Variants in NASP observed in about 807,000 individuals in gnomAD.
NASP encodes the protein nuclear autoantigenic sperm protein.
Under a neutral mutation model 89.5 loss-of-function variants are expected in NASP, and 24 were observed. That is an observed-to-expected ratio of 0.27 (90% CI 0.19 to 0.38). NASP has a LOEUF of 0.38. NASP is among the 10% of genes least tolerant of loss of function. The probability of loss-of-function intolerance (pLI) is 1.00; values close to 1 mark genes in which losing one functional copy is unlikely to be tolerated. For synonymous variants in NASP, 306 were observed against 324.7 expected (o/e 0.94, Z 0.62); for missense variants, 848 against 921.4 (o/e 0.92, Z 1.03).
intron 1 of NASP, among the ~76,000 whole-genome samples, chr1:45,589,452 C>T (rs1643459771): frequency 6.6e-6 from 1 of 152,128 alleles, no homozygotes; most frequent in Non-Finnish European, 1.5e-5. Flanking sequence ...ACGGCCTTCT[C>T]CAAACAAATT....
chr1:45,608,349 A>G lies in NASP; in HGVS notation c.1426+12A>G, dbSNP rs1397821042. 2 of 1,592,562 alleles carry G rather than the reference A, an allele frequency of 1.3e-6. No individual in the cohort carries two copies. Among genetic ancestry groups the G allele is most frequent in the Non-Finnish European group, 1.7e-6 (2 of 1,168,962 alleles). On this transcript the variant is annotated intron_variant, in intron 6 of 14. Transcript: ENST00000350030. ...GAAAGAGGGTGAAGGTAACCGGGAT[A>G]TGCAAGAGCTGCAGTGGGTGGAGTA...
Position 45,586,069 on chromosome 1 carries a change from T to C in NASP, c.59+1864T>C, listed in dbSNP as rs541247856. Among the ~76,000 whole-genome samples the C allele has an allele frequency of 9.2e-5, 14 of 152,100 alleles. No individual in the cohort carries two copies. The East Asian group carries it at 2.5e-3, about 27-fold the overall frequency. ...GCAGGTTATACATAGAGAAAGTTTA[T>C]GTATATGTGGCTAGAAGAAAGCAAA... On this transcript the variant is annotated intron_variant, in intron 1 of 14. Transcript: ENST00000350030.
Position 45,608,331 on chromosome 1 carries a change from G to A in NASP, c.1420G>A (p.Gly474Ser), listed in dbSNP as rs933284329. The stretch of plus-strand genomic sequence containing the variant: ...AGAGAGAGAAGAACAGATGAAAGAG[G>A]GTGAAGGTAACCGGGATATGCAAGA... ...TQEREEQMKE[G>S]EETEGSEEDD... The change falls in exon 6 of 15, where the codon GGT becomes AGT. Residue 474 changes from glycine (G) to serine (S), a missense_variant. Gly to Ser is a moderately conservative substitution (Grantham distance 56, BLOSUM62 0). Coordinates refer to ENST00000350030, the MANE Select transcript of NASP (RefSeq NM_002482.4). 6.2e-6 allele frequency: 10 copies of A among 1,604,612 alleles called. No individual in the cohort carries two copies. In the African/African-American group the frequency reaches 1.2e-4, roughly 19 times the overall value.
intron 14 of NASP, 68 bp downstream of exon 14, chr1:45,617,659 C>T: frequency 1.3e-6 from 2 of 1,493,894 alleles, no homozygotes; most frequent in Non-Finnish European, 1.8e-6. Flanking sequence ...GAAATCAGTC[C>T]TCTCAAGTGC....
At position 45,598,852 on chromosome 1, in the gene NASP, T is replaced by C. The variant is rs886852277; in HGVS notation, c.108-3403T>C. ...CAGTTTTCCATCTGTAAAGTGGGGG[T>C]AATAATTCAATAACTTTATGAGGTG... On this transcript the variant is annotated intron_variant, in intron 2 of 14. Coordinates refer to ENST00000350030, the MANE Select transcript of NASP (RefSeq NM_002482.4). Among the ~76,000 whole-genome samples, 3 of 152,050 alleles carry C rather than the reference T, an allele frequency of 2.0e-5. No homozygotes were observed. In the East Asian group the frequency reaches 5.8e-4, roughly 29 times the overall value.
intron 5 of NASP, 47 bp from the exon 6 acceptor site, chr1:45,607,274 A>G (rs1299747705): frequency 6.3e-7 from 1 of 1,579,434 alleles, no homozygotes; most frequent in Non-Finnish European, 8.6e-7. Flanking sequence ...TGCCTTTATC[A>G]TTAAACTCGA....
intron 2 of NASP, among the ~76,000 whole-genome samples, chr1:45,594,173 A>G (rs1643627646): frequency 6.6e-6 from 1 of 151,880 alleles, no homozygotes; most frequent in Non-Finnish European, 1.5e-5. Flanking sequence ...TAAAAAAGAT[A>G]CAAAAATTAG....
chr1:45,586,296 T>TGTGTGTGTGTGTGTGTGTGTGTG (rs1644547146), intron 1 of NASP, among the ~76,000 whole-genome samples: 1 of 93,610 alleles, frequency 1.1e-5, no homozygotes, highest in Admixed American at 1.0e-4. Flanking sequence ...TGTGTGTGTG[T>TGTGTGTGTGTGTGTGTGTGTGTG]GTGTGTGTGT....
intron 1 of NASP, chr1:45,588,976 T>C: frequency 5.8e-6 from 1 of 172,382 alleles, no homozygotes; most frequent in Non-Finnish European, 1.3e-5. Flanking sequence ...TGTTTGTTTG[T>C]TTGTTTGTGA....
At chr1:45,586,270 GTGTGTGTGTGTGTGGTGTGT>G (rs1644538527) in intron 1 of NASP, among the ~76,000 whole-genome samples, 1 of 62,270 alleles carries the variant, frequency 1.6e-5, no homozygotes. Flanking sequence ...GTGTGTGTGT[GTGTGTGTGTGTGTGGTGTGT>G]GTGTGTGTGT....
rs183164936 is a variant in NASP at position 45,615,611 on chromosome 1, G to A, written c.2022+140G>A. On this transcript the variant is annotated intron_variant, in intron 11 of 14. Transcript: ENST00000350030. ...AATTATTCCTATCAAGTAATGCAGT[G>A]GTTAAGAGGAAATACCCTGGAGCCC... 7.1e-5 allele frequency: 52 copies of A among 737,296 alleles called. 1 individual carries two copies. The highest frequency in any genetic ancestry group is 6.1e-4 in the African/African-American group (34 of 55,862). The allele number at this position is 737,296 out of a possible 1,614,324, so 45.7% of individuals were successfully genotyped here. A position where few individuals can be genotyped will look rare whatever the true frequency, so the allele number is the denominator to read the frequency against.
chr1:45,588,600 T>C (rs1389006969), intron 1 of NASP: 2 of 452,016 alleles, frequency 4.4e-6, no homozygotes, highest in Non-Finnish European at 4.4e-6. Context: ...TCTTTGACTA[T>C]TCGATGGGTA....
At chr1:45,602,854 G>T (rs1643869724) in intron 3 of NASP, among the ~76,000 whole-genome samples, 3 of 152,120 alleles carry the variant, frequency 2.0e-5, no homozygotes, top group Admixed American at 2.0e-4. Flanking sequence ...GAACTCTTGG[G>T]CTTAAGCGAT....
intron 6 of NASP, 172 bp downstream of exon 6, chr1:45,608,509 A>C: frequency 3.0e-6 from 2 of 658,522 alleles, no homozygotes; most frequent in Non-Finnish European, 5.2e-6. Flanking sequence ...AAGTAAGTTC[A>C]ATCAAAAGCA....
At chr1:45,614,441 C>A (rs564931059) in intron 9 of NASP, 75 bp downstream of exon 9, 1 of 1,188,626 alleles carries the variant, frequency 8.4e-7, no homozygotes, top group Non-Finnish European at 1.3e-6. Context: ...TTCTCTGGAA[C>A]CGAACTTGAT....
At chr1:45,615,898 G>T (rs923831508) in intron 11 of NASP, among the ~76,000 whole-genome samples, 1 of 152,204 alleles carries the variant, frequency 6.6e-6, no homozygotes, top group Non-Finnish European at 1.5e-5. Context: ...AAAAGTTTCA[G>T]ATTGTTGGAT....
At chr1:45,594,744 C>A (rs1192112648) in intron 2 of NASP, 2 of 455,304 alleles carry the variant, frequency 4.4e-6, no homozygotes, top group African/African-American at 2.0e-5. Flanking sequence ...CATCTTCTCA[C>A]CTCAGCCACC....
At chr1:45,601,842 C>T (rs1482033642) in intron 2 of NASP, among the ~76,000 whole-genome samples, 1 of 146,778 alleles carries the variant, frequency 6.8e-6, no homozygotes, top group Non-Finnish European at 1.5e-5. Flanking sequence ...GCAAGCTCCG[C>T]CTCCTGGGTT....
At chr1:45,617,306 C>T (rs1644123307) in intron 13 of NASP, 157 bp from the exon 14 acceptor site, 1 of 735,626 alleles carries the variant, frequency 1.4e-6, no homozygotes, top group Non-Finnish European at 2.2e-6. Flanking sequence ...TCTGAGAGTA[C>T]AGGTTGGCAT....
Sources: gnomAD v4.1 joint callset for allele counts (sites outside exome capture counted in the v4.1 genomes callset) on GRCh38, gnomAD v4.1.1 for gene constraint, MANE v1.5 for transcripts, NCBI Gene and HGNC (gene_info 2026-07-23, HGNC 2026-07-21) for gene names.